TXNRD1: variants seen among roughly 807,000 people sequenced by gnomAD.
TXNRD1 encodes thioredoxin reductase 1.
Under a neutral mutation model 80.3 loss-of-function variants are expected in TXNRD1, and 57 were observed. The ratio of observed to expected loss-of-function variants is 0.71; its 90% CI spans 0.57 to 0.89. TXNRD1 has a LOEUF of 0.89. TXNRD1 is among the 40% of genes least tolerant of loss of function. The pLI, the probability that TXNRD1 is intolerant of heterozygous loss-of-function variation, is 0.00. For missense variants in TXNRD1, 730 were observed against 803.0 expected, an observed-to-expected ratio of 0.91 and a Z score of 1.10; for synonymous variants, 291 against 285.2, an observed-to-expected ratio of 1.02 and a Z score of -0.20.
At chr12:104,217,824 G>A (rs2032252221) in intron 1 of TXNRD1, among the ~76,000 whole-genome samples, 1 of 151,902 alleles carries the variant, frequency 6.6e-6, no homozygotes, top group Non-Finnish European at 1.5e-5. Context: ...ATATAAGTTG[G>A]TATCATACAG....
At chr12:104,267,284 C>CTTTCTTTTTT (rs2033524577) in intron 3 of TXNRD1, among the ~76,000 whole-genome samples, 1 of 9,220 alleles carries the variant, frequency 1.1e-4, no homozygotes. Flanking sequence ...TCTTTCTTTC[C>CTTTCTTTTTT]TCTTTCTGTC....
chr12:104,267,117 G>A (rs1258826457), intron 3 of TXNRD1, among the ~76,000 whole-genome samples: 1 of 148,442 alleles, frequency 6.7e-6, no homozygotes, highest in Non-Finnish European at 1.5e-5. Context: ...AGTGAGCCGA[G>A]ATCGCGCCAC....
chr12:104,281,668 A>G (rs1228725417), intron 3 of TXNRD1, among the ~76,000 whole-genome samples: 1 of 151,964 alleles, frequency 6.6e-6, no homozygotes, highest in African/African-American at 2.4e-5. Context: ...AGCCTCCTGA[A>G]GTGCTGGGAT....
chr12:104,327,421 C>A, intron 12 of TXNRD1, 94 bp from the exon 13 acceptor site: 2 of 1,310,552 alleles, frequency 1.5e-6, no homozygotes, highest in Admixed American at 2.3e-5. Flanking sequence ...CAGCTAGAGT[C>A]ACAATTTTGG....
intron 1 of TXNRD1, among the ~76,000 whole-genome samples, chr12:104,230,243 A>G (rs2032587213): frequency 6.6e-6 from 1 of 151,232 alleles, no homozygotes; most frequent in Non-Finnish European, 1.5e-5. Flanking sequence ...TAATTTTTGT[A>G]TTTTCAGTAG....
chr12:104,334,099 A>T, intron 14 of TXNRD1, 138 bp from the exon 15 acceptor site: 1 of 411,920 alleles, frequency 2.4e-6, no homozygotes. Context: ...TTTTGACCAG[A>T]TTCCTATTTA....
chr12:104,294,625 C>T (rs1327394578), intron 4 of TXNRD1, among the ~76,000 whole-genome samples: 1 of 152,182 alleles, frequency 6.6e-6, no homozygotes, highest in East Asian at 1.9e-4. Context: ...ACTGGAACAG[C>T]TCGTGTCCTC....
chr12:104,288,858 C>T, intron 3 of TXNRD1, 73 bp from the exon 4 acceptor site: 1 of 1,612,704 alleles, frequency 6.2e-7, no homozygotes, highest in Middle Eastern at 1.7e-4. Flanking sequence ...GAAGCCCCGC[C>T]CCCGGCGCAG....
At chr12:104,268,281 G>A (rs573744583) in intron 3 of TXNRD1, among the ~76,000 whole-genome samples, 26 of 151,574 alleles carry the variant, frequency 1.7e-4, no homozygotes, top group Non-Finnish European at 3.2e-4. Flanking sequence ...GGAGGCTGAG[G>A]TGGGCTGATC....
chr12:104,280,062 C>CAAAAAAA (rs34627940), intron 3 of TXNRD1, among the ~76,000 whole-genome samples: 1,940 of 84,406 alleles, frequency 0.023, 123 homozygotes, highest in African/African-American at 0.071. Context: ...GACTCTGTCT[C>CAAAAAAA]AAAAAAAAAA....
intron 13 of TXNRD1, 42 bp from the exon 14 acceptor site, chr12:104,331,492 T>TA (rs1171606442): frequency 7.6e-7 from 1 of 1,314,912 alleles, no homozygotes; most frequent in Non-Finnish European, 1.1e-6. Context: ...TTTTAAGTTA[T>TA]AACTTTGCCT....
intron 6 of TXNRD1, among the ~76,000 whole-genome samples, chr12:104,314,065 A>G (rs1050910780): frequency 6.6e-6 from 1 of 152,170 alleles, no homozygotes; most frequent in African/African-American, 2.4e-5. Flanking sequence ...TAGCACATAC[A>G]AAGGCCCTGA....
At chr12:104,228,073 G>A (rs968248886) in intron 1 of TXNRD1, among the ~76,000 whole-genome samples, 3 of 151,982 alleles carry the variant, frequency 2.0e-5, no homozygotes, top group East Asian at 3.9e-4. Context: ...GAAGCCGAGC[G>A]GGGCAGATCA....
At chr12:104,256,971 CT>C (rs1437158062) in intron 2 of TXNRD1, among the ~76,000 whole-genome samples, 23 of 89,910 alleles carry the variant, frequency 2.6e-4, no homozygotes, top group African/African-American at 9.2e-4. Flanking sequence ...AATATATTTT[CT>C]TTTCTTTTTT....
intron 3 of TXNRD1, among the ~76,000 whole-genome samples, chr12:104,267,762 CCCTT>C (rs1192444857): frequency 7.1e-6 from 1 of 140,694 alleles, no homozygotes; most frequent in Non-Finnish European, 1.5e-5. Flanking sequence ...CTTCCTCCCT[CCCTT>C]CCCTTTCCTT....
intron 13 of TXNRD1, among the ~76,000 whole-genome samples, chr12:104,330,365 A>G (rs996410823): frequency 1.3e-5 from 2 of 152,226 alleles, no homozygotes; most frequent in Non-Finnish European, 2.9e-5. Context: ...GAGAAATCTG[A>G]TAGAGGAACT....
At chr12:104,246,526 G>GTT (rs66611871) in intron 1 of TXNRD1, among the ~76,000 whole-genome samples, 1 of 133,092 alleles carries the variant, frequency 7.5e-6, no homozygotes, top group African/African-American at 2.8e-5. Context: ...CTTTGTGATG[G>GTT]TTTTTTTTTT....
intron 12 of TXNRD1, among the ~76,000 whole-genome samples, chr12:104,327,035 C>G (rs918161896): frequency 6.6e-6 from 1 of 151,674 alleles, no homozygotes; most frequent in Admixed American, 6.6e-5. Flanking sequence ...CTTTTGGCCT[C>G]TAGTGATCTA....
chr12:104,346,114 G>A, intron 16 of TXNRD1: 1 of 672,546 alleles, frequency 1.5e-6, no homozygotes, highest in Non-Finnish European at 2.3e-6. Flanking sequence ...TCAAGCTCAA[G>A]CGATGTTCCT....
Sources: allele counts gnomAD v4.1 joint callset (sites outside exome capture counted in the v4.1 genomes callset), GRCh38; gene constraint gnomAD v4.1.1; transcripts MANE v1.5; gene names NCBI Gene and HGNC (gene_info 2026-07-23, HGNC 2026-07-21).